The following ATP8A2 variants were observed in gnomAD, a reference collection of about 807,000 sequenced individuals.
ATP8A2 encodes the protein phospholipid-transporting ATPase IB.
ATP8A2 carries 100 observed loss-of-function variants against 165.6 expected under a neutral mutation model. That is an observed-to-expected ratio of 0.60 (90% CI 0.51 to 0.71). ATP8A2 has a LOEUF of 0.71. Ranked by LOEUF, ATP8A2 falls within the 30% of genes least tolerant of loss-of-function variation. The probability of loss-of-function intolerance (pLI) is 0.00; values close to 1 mark genes in which losing one functional copy is unlikely to be tolerated. For synonymous variants in ATP8A2, 543 were observed against 548.8 expected, an observed-to-expected ratio of 0.99 and a Z score of 0.15; for missense variants, 1,227 against 1,479.5, an observed-to-expected ratio of 0.83 and a Z score of 2.80.
chr13:25,521,258 T>C (rs997068275), intron 2 of ATP8A2, among the ~76,000 whole-genome samples: 1 of 152,232 alleles, frequency 6.6e-6, no homozygotes, highest in Non-Finnish European at 1.5e-5. Context: ...CCTTATTATA[T>C]TCTGGTTATA....
chr13:25,643,654 A>G (rs897479142), intron 24 of ATP8A2, among the ~76,000 whole-genome samples: 5 of 151,164 alleles, frequency 3.3e-5, no homozygotes, highest in African/African-American at 1.2e-4. Flanking sequence ...TGTTTTAATT[A>G]CTATCACTTT....
At chr13:25,569,259 A>G in intron 16 of ATP8A2, among the ~76,000 whole-genome samples, 1 of 152,210 alleles carries the variant, frequency 6.6e-6, no homozygotes, top group East Asian at 1.9e-4. Context: ...ACTTTACTGA[A>G]CTATAATTTA....
chr13:25,560,666 T>G (rs1433297986), intron 15 of ATP8A2, among the ~76,000 whole-genome samples: 6 of 133,994 alleles, frequency 4.5e-5, no homozygotes, highest in Non-Finnish European at 9.2e-5. Context: ...CACCACTGCA[T>G]TCCAGCCTGA....
At chr13:25,527,206 A>G (rs1289859825) in intron 2 of ATP8A2, among the ~76,000 whole-genome samples, 1 of 152,100 alleles carries the variant, frequency 6.6e-6, no homozygotes, top group Non-Finnish European at 1.5e-5. Flanking sequence ...ATTACACCTT[A>G]TAGTGCTCTG....
intron 24 of ATP8A2, among the ~76,000 whole-genome samples, chr13:25,634,678 A>G (rs1352891711): frequency 6.6e-6 from 1 of 152,130 alleles, no homozygotes; most frequent in Non-Finnish European, 1.5e-5. Context: ...CCATTGTCTC[A>G]TGCAGTTGTG....
intron 34 of ATP8A2, among the ~76,000 whole-genome samples, chr13:25,964,382 G>T (rs1011198240): frequency 6.6e-6 from 1 of 152,034 alleles, no homozygotes; most frequent in Non-Finnish European, 1.5e-5. Flanking sequence ...CCCTTTGATC[G>T]TGAGGCCCAT....
intron 27 of ATP8A2, among the ~76,000 whole-genome samples, chr13:25,807,602 AG>A (rs1950770333): frequency 6.6e-6 from 1 of 152,236 alleles, no homozygotes; most frequent in Non-Finnish European, 1.5e-5. Context: ...ATCCAGTGTG[AG>A]TAATTCATGG....
Position 25,953,998 on chromosome 13 carries a change from C to T in ATP8A2, c.3184-7577C>T, listed in dbSNP as rs955021789. Among the ~76,000 whole-genome samples the T allele has an allele frequency of 6.6e-6, 1 of 151,776 alleles. No individual in the cohort carries two copies. The highest frequency in any genetic ancestry group is 1.5e-5 in the Non-Finnish European group (1 of 67,976). ...ACCCCAGTGGCACCTGGAATGCCAGCAAGACAGAACCGTTCACTTCCCTGG... is the reference window on the plus strand; with the variant it reads ...ACCCCAGTGGCACCTGGAATGCCAGTAAGACAGAACCGTTCACTTCCCTGG... On this transcript the variant is annotated intron_variant, in intron 33 of 36. Coordinates refer to ENST00000381655, the MANE Select transcript of ATP8A2 (RefSeq NM_016529.6). The surrounding 1 kb of genome is among the most constrained non-coding windows in gnomAD (Gnocchi z 6.7).
At chr13:25,896,537 T>C (rs757176704) in intron 33 of ATP8A2, among the ~76,000 whole-genome samples, 1 of 152,212 alleles carries the variant, frequency 6.6e-6, no homozygotes, top group Non-Finnish European at 1.5e-5. Context: ...GTTCTGTAGA[T>C]GTCTATTAGG....
intron 33 of ATP8A2, among the ~76,000 whole-genome samples, chr13:25,878,025 A>G (rs996435135): frequency 6.6e-6 from 1 of 152,242 alleles, no homozygotes; most frequent in African/African-American, 2.4e-5. Context: ...ACAAAATGTT[A>G]TCAGTTTAAC....
intron 2 of ATP8A2, among the ~76,000 whole-genome samples, chr13:25,512,673 C>A (rs1290889387): frequency 7.0e-6 from 1 of 141,944 alleles, no homozygotes; most frequent in Non-Finnish European, 1.5e-5. Flanking sequence ...GGGTGGCTGG[C>A]CGGGCGGGGG....
At chr13:25,492,079 C>T (rs1285796080) in intron 2 of ATP8A2, among the ~76,000 whole-genome samples, 8 of 152,152 alleles carry the variant, frequency 5.3e-5, no homozygotes, top group Admixed American at 2.0e-4. Context: ...GTTTTTGAGA[C>T]GGAGTCTCAC....
At chr13:25,865,890 C>T (rs1322218720) in intron 33 of ATP8A2, among the ~76,000 whole-genome samples, 3 of 152,248 alleles carry the variant, frequency 2.0e-5, no homozygotes, top group Admixed American at 6.5e-5. Context: ...TGCCAGTCCT[C>T]GGCTATGGAA....
intron 27 of ATP8A2, among the ~76,000 whole-genome samples, chr13:25,784,439 C>G (rs1327583502): frequency 1.3e-5 from 2 of 152,214 alleles, no homozygotes; most frequent in African/African-American, 4.8e-5. Flanking sequence ...TTAAAGGCCT[C>G]TTGCATTCAG....
At chr13:25,563,218 T>A (rs1375874929) in intron 15 of ATP8A2, among the ~76,000 whole-genome samples, 1 of 152,220 alleles carries the variant, frequency 6.6e-6, no homozygotes, top group East Asian at 1.9e-4. Context: ...GAGACCAGCC[T>A]GACCGACATG....
intron 24 of ATP8A2, chr13:25,591,140 T>C (rs936028588): frequency 2.6e-6 from 1 of 389,292 alleles, no homozygotes; most frequent in African/African-American, 2.1e-5. Context: ...ACTATGTGTG[T>C]GTGTGTGTGT....
At chr13:25,809,066 A>G (rs1273258685) in intron 27 of ATP8A2, among the ~76,000 whole-genome samples, 4 of 152,226 alleles carry the variant, frequency 2.6e-5, no homozygotes, top group Non-Finnish European at 5.9e-5. Flanking sequence ...TCTGACTTGG[A>G]CAATGACACT....
intron 1 of ATP8A2, among the ~76,000 whole-genome samples, chr13:25,422,074 C>T (rs2034316478): frequency 6.6e-6 from 1 of 152,056 alleles, no homozygotes; most frequent in African/African-American, 2.4e-5. Flanking sequence ...AGGGCTCAAA[C>T]CCTGAGCTCT....
chr13:25,742,347 G>A lies in ATP8A2; in HGVS notation c.2385-26699G>A, dbSNP rs138487469. ...AAGTCAAATGCTTTCATGTGCATAT[G>A]AGGCATATGAGATAATATACATATA... On this transcript the variant is annotated intron_variant, in intron 25 of 36. Coordinates refer to ENST00000381655, the MANE Select transcript of ATP8A2 (RefSeq NM_016529.6). 4.3e-3 allele frequency among the ~76,000 whole-genome samples: 647 copies of A among 151,892 alleles called. 7 individuals are homozygous for A. Among genetic ancestry groups the A allele is most frequent in the African/African-American group, 0.015 (615 of 41,412 alleles).
Sources: gnomAD v4.1 joint callset for allele counts (sites outside exome capture counted in the v4.1 genomes callset) on GRCh38, gnomAD v4.1.1 for gene constraint, Gnocchi (gnomAD v3.1) non-coding constraint, MANE v1.5 for transcripts, NCBI Gene and HGNC (gene_info 2026-07-23, HGNC 2026-07-21) for gene names.